Variants in NLRP5 observed in about 807,000 individuals in gnomAD.
NLRP5 encodes the protein NACHT, LRR and PYD domains-containing protein 5.
A neutral mutation model predicts 113.1 loss-of-function variants in NLRP5; 93 were observed. That is an observed-to-expected ratio of 0.82 (90% CI 0.70 to 0.98). The LOEUF (loss-of-function observed/expected upper bound fraction) is 0.98, where lower values mean the gene tolerates loss of function less well. Ranked by LOEUF, NLRP5 falls within the 50% of genes least tolerant of loss-of-function variation. The pLI, the probability that NLRP5 is intolerant of heterozygous loss-of-function variation, is 0.00. For synonymous variants in NLRP5, 751 were observed against 600.7 expected (o/e 1.25, Z -3.66); for missense variants, 1,808 against 1,514.3 (o/e 1.19, Z -3.22).
intron 6 of NLRP5, among the ~76,000 whole-genome samples, chr19:56,022,144 C>T (rs934319802): frequency 6.6e-6 from 1 of 152,186 alleles, no homozygotes; most frequent in Admixed American, 6.6e-5. Context: ...AATAATTACT[C>T]TGGTCTAGGC....
chr19:56,018,826 T>A (rs1982503341), intron 4 of NLRP5: 1 of 153,772 alleles, frequency 6.5e-6, no homozygotes. Flanking sequence ...ATTTTTGTAT[T>A]CTTATTATTA....
At chr19:56,050,609 G>C in intron 12 of NLRP5, 21 bp downstream of exon 12, 2 of 1,610,090 alleles carry the variant, frequency 1.2e-6, no homozygotes, top group Non-Finnish European at 1.7e-6. Context: ...CATGGGCGTT[G>C]GGTCAACTCT....
At chr19:55,987,937 G>A in the NLRP5 span, 1 of 1,554,318 alleles carries the variant, frequency 6.4e-7, no homozygotes, top group Non-Finnish European at 8.9e-7. Context: ...CTTTCTCTGG[G>A]GCTTGATTGA....
intron 7 of NLRP5, among the ~76,000 whole-genome samples, chr19:56,030,236 G>C (rs934571385): frequency 6.6e-6 from 1 of 151,926 alleles, no homozygotes; most frequent in African/African-American, 2.4e-5. Flanking sequence ...GGGGCGTGGT[G>C]GTGGGTGCCT....
intron 11 of NLRP5, among the ~76,000 whole-genome samples, chr19:56,046,579 C>T (rs1259394105): frequency 1.3e-5 from 2 of 151,850 alleles, no homozygotes; most frequent in African/African-American, 4.8e-5. Context: ...CTCACTCTGT[C>T]GCCCAGGCTG....
intron 11 of NLRP5, among the ~76,000 whole-genome samples, chr19:56,048,289 T>G (rs1472612609): frequency 1.3e-5 from 2 of 152,218 alleles, no homozygotes; most frequent in Admixed American, 1.3e-4. Context: ...TTTTGTTTTT[T>G]GTTTTTGCTT....
intron 3 of NLRP5, among the ~76,000 whole-genome samples, chr19:56,015,533 A>G (rs1982370612): frequency 6.6e-6 from 1 of 152,168 alleles, no homozygotes; most frequent in South Asian, 2.1e-4. Context: ...GTGTATAGAA[A>G]TACTTTTGAT....
intron 10 of NLRP5, 49 bp from the exon 11 acceptor site, chr19:56,040,873 C>T (rs988323587): frequency 1.3e-6 from 2 of 1,521,636 alleles, no homozygotes; most frequent in Admixed American, 1.8e-5. Flanking sequence ...AAAGATGGAA[C>T]TTTAAGAAGG....
At chr19:56,000,640 A>G (rs1301344219) in intron 1 of NLRP5, among the ~76,000 whole-genome samples, 1 of 151,934 alleles carries the variant, frequency 6.6e-6, no homozygotes, top group Non-Finnish European at 1.5e-5. Flanking sequence ...CTGGGATTAC[A>G]GACGTGAGCC....
chr19:56,049,711 G>A (rs1279970933), intron 11 of NLRP5, among the ~76,000 whole-genome samples: 1 of 151,784 alleles, frequency 6.6e-6, no homozygotes, highest in Non-Finnish European at 1.5e-5. Context: ...TTTTTTTATT[G>A]TTTTTAAGCT....
chr19:56,015,885 C>A (rs1184140274), intron 4 of NLRP5, 87 bp downstream of exon 4: 2 of 965,996 alleles, frequency 2.1e-6, no homozygotes, highest in Non-Finnish European at 3.0e-6. Context: ...ACGGGGAAAT[C>A]CACTTTCCCT....
At chr19:56,024,362 A>AATATAT (rs776192567) in intron 6 of NLRP5, among the ~76,000 whole-genome samples, 1 of 140,634 alleles carries the variant, frequency 7.1e-6, no homozygotes, top group Non-Finnish European at 1.5e-5. Context: ...AAAAAGAACA[A>AATATAT]ATATATATAT....
At chr19:56,053,550 G>C (rs35553570) in intron 12 of NLRP5, 88 bp from the exon 13 acceptor site, 442,316 of 1,210,412 alleles carry the variant, frequency 0.37, 83,214 homozygotes, top group Non-Finnish European at 0.38. Context: ...AGGAATAAAG[G>C]AAACTCCAGT....
intron 13 of NLRP5, among the ~76,000 whole-genome samples, chr19:56,054,441 C>A (rs1258073796): frequency 2.0e-5 from 3 of 151,880 alleles, no homozygotes; most frequent in Non-Finnish European, 2.9e-5. Context: ...GCTTGTAATC[C>A]CAGCTATTCG....
intron 11 of NLRP5, among the ~76,000 whole-genome samples, chr19:56,043,302 G>A (rs993612055): frequency 2.0e-5 from 3 of 152,124 alleles, no homozygotes; most frequent in Non-Finnish European, 2.9e-5. Context: ...GGCCATTCTT[G>A]CAAGGGCGAT....
intron 11 of NLRP5, among the ~76,000 whole-genome samples, chr19:56,044,462 T>C (rs1983648084): frequency 6.6e-6 from 1 of 152,238 alleles, no homozygotes; most frequent in Non-Finnish European, 1.5e-5. Flanking sequence ...GCACCGTTTG[T>C]CGAAAAGGGT....
chr19:55,988,984 G>A, the NLRP5 span, among the ~76,000 whole-genome samples: 2 of 152,016 alleles, frequency 1.3e-5, no homozygotes, highest in African/African-American at 4.8e-5. Flanking sequence ...TCAGAAATAA[G>A]TATTTTTCCA....
chr19:56,008,960 T>C, intron 3 of NLRP5, 107 bp downstream of exon 3: 1 of 961,068 alleles, frequency 1.0e-6, no homozygotes, highest in East Asian at 2.6e-5. Context: ...TAGTGTTCTT[T>C]CTAGTCTAAC....
intron 5 of NLRP5, among the ~76,000 whole-genome samples, chr19:56,020,170 G>T (rs73068199): frequency 0.04 from 6,142 of 151,902 alleles, 162 homozygotes; most frequent in East Asian, 0.062. Context: ...TCTCTTCAAG[G>T]AGAAATGAGC....
Sources: gnomAD v4.1 joint callset for allele counts (sites outside exome capture counted in the v4.1 genomes callset) on GRCh38, gnomAD v4.1.1 for gene constraint, MANE v1.5 for transcripts, NCBI Gene and HGNC (gene_info 2026-07-23, HGNC 2026-07-21) for gene names.